Variants in ATRX observed in about 807,000 individuals in gnomAD.
ATRX encodes the protein ATRX chromatin remodeler.
In ATRX, 12 loss-of-function variants were observed where a neutral mutation model predicts 172.6. The observed-to-expected ratio is 0.07, with a 90% CI of 0.04 to 0.11. The LOEUF (loss-of-function observed/expected upper bound fraction) is 0.11. Among genes scored for constraint, ATRX ranks in the 10% least tolerant of loss-of-function variants. The pLI is 1.00. For synonymous variants in ATRX, 674 were observed against 594.7 expected (o/e 1.13, Z -1.94); for missense variants, 1,368 against 1,767.4 (o/e 0.77, Z 4.05).
At chrX:77,766,780 G>A (rs1473916015) in intron 1 of ATRX, among the ~76,000 whole-genome samples, 2 of 109,741 alleles carry the variant, frequency 1.8e-5, no homozygotes, top group Non-Finnish European at 3.8e-5. Context: ...CAGACGATGG[G>A]CGGCCAGGCA....
intron 22 of ATRX, among the ~76,000 whole-genome samples, chrX:77,603,619 G>A (rs1271272161): frequency 2.8e-5 from 3 of 107,851 alleles, no homozygotes; most frequent in East Asian, 2.9e-4. Flanking sequence ...CAAGTGATCC[G>A]CCTGCCTCGG....
chrX:77,762,735 AG>A (rs1557193451), intron 1 of ATRX, among the ~76,000 whole-genome samples: 1 of 111,639 alleles, frequency 9.0e-6, no homozygotes, highest in African/African-American at 3.2e-5. Flanking sequence ...TAAAAAAAAA[AG>A]AAGAGTAAAA....
chrX:77,537,642 C>T (rs60662737), intron 30 of ATRX, among the ~76,000 whole-genome samples: 2 of 109,521 alleles, frequency 1.8e-5, no homozygotes, highest in Non-Finnish European at 3.8e-5. Context: ...CAAGACCAGC[C>T]TGGGCAACAT....
intron 3 of ATRX, among the ~76,000 whole-genome samples, chrX:77,697,990 TC>T (rs781961104): frequency 2.7e-5 from 3 of 111,653 alleles, no homozygotes; most frequent in Non-Finnish European, 5.6e-5. Context: ...TAATCAGATC[TC>T]AAGAGAAGTA....
At chrX:77,760,936 G>A (rs1319717511) in intron 1 of ATRX, among the ~76,000 whole-genome samples, 1 of 111,036 alleles carries the variant, frequency 9.0e-6, no homozygotes, top group Non-Finnish European at 1.9e-5. Context: ...TGTTGTTCAT[G>A]TATTAAGTTT....
At position 77,697,575 on chromosome X, in the gene ATRX, C is replaced by T. The variant is rs2148680817; in HGVS notation, c.242+8G>A. The T allele has an allele frequency of 1.7e-6, 2 of 1,210,005 alleles. No homozygotes were observed. The highest frequency in any genetic ancestry group is 1.1e-6 in the Non-Finnish European group (1 of 894,352). ...AAATAACTTTTTGTCCCTTCAACAT[C>T]AACCAACCTCTTTGATCGTGACGAT... On this transcript the variant is annotated splice_region_variant and intron_variant, in intron 4 of 34. Coordinates refer to ENST00000373344, the MANE Select transcript of ATRX (RefSeq NM_000489.6).
chrX:77,624,709 G>A (rs889085913), intron 19 of ATRX, among the ~76,000 whole-genome samples: 1 of 111,626 alleles, frequency 9.0e-6, no homozygotes, highest in Admixed American at 9.5e-5. Flanking sequence ...ACCTCTACAA[G>A]GAAAACTACA....
chrX:77,632,311 T>C (rs782555614), intron 19 of ATRX, among the ~76,000 whole-genome samples: 7 of 111,727 alleles, frequency 6.3e-5, no homozygotes, highest in African/African-American at 1.9e-4. Flanking sequence ...ATTAAACAGT[T>C]TCAAGGAAAT....
chrX:77,563,962 C>G (rs181181768), intron 28 of ATRX, among the ~76,000 whole-genome samples: 206 of 110,556 alleles, frequency 1.9e-3, no homozygotes, highest in African/African-American at 6.3e-3. Flanking sequence ...TCTCCAAGGG[C>G]TCGATAAGAT....
chrX:77,534,737 G>T (rs782696157), intron 30 of ATRX, among the ~76,000 whole-genome samples: 6 of 111,456 alleles, frequency 5.4e-5, no homozygotes, highest in Non-Finnish European at 1.1e-4. Context: ...AAAACGACTA[G>T]TTCAATTAAT....
chrX:77,586,186 G>C (rs2066014550), intron 27 of ATRX, among the ~76,000 whole-genome samples: 1 of 112,213 alleles, frequency 8.9e-6, no homozygotes, highest in South Asian at 3.7e-4. Context: ...TGAGGTGATA[G>C]ATATCCCATT....
intron 1 of ATRX, among the ~76,000 whole-genome samples, chrX:77,763,266 T>G (rs1557193742): frequency 9.3e-6 from 1 of 108,108 alleles, no homozygotes; most frequent in African/African-American, 3.4e-5. Context: ...TAACTCAGCC[T>G]CCCAAGTAGC....
chrX:77,675,894 G>C, intron 10 of ATRX: 1 of 175,851 alleles, frequency 5.7e-6, no homozygotes, highest in East Asian at 1.3e-4. Context: ...CCAATTTACT[G>C]AGATATGATT....
At chrX:77,769,205 A>T (rs1276511790) in intron 1 of ATRX, among the ~76,000 whole-genome samples, 5 of 111,455 alleles carry the variant, frequency 4.5e-5, no homozygotes, top group Middle Eastern at 9.2e-3. Flanking sequence ...AGTATTTTTT[A>T]AATTTTCTAA....
intron 1 of ATRX, among the ~76,000 whole-genome samples, chrX:77,744,214 G>A (rs182407643): frequency 1.1e-3 from 122 of 112,221 alleles, no homozygotes; most frequent in African/African-American, 3.9e-3. Context: ...GTACTCAGGA[G>A]GCTGAGGCAG....
chrX:77,684,168 G>A lies in ATRX; in HGVS notation c.1088C>T (p.Thr363Ile), dbSNP rs2148630826. 8.3e-7 allele frequency: 1 copy of A among 1,209,544 alleles called. No homozygotes were observed. The highest frequency in any genetic ancestry group is 1.1e-6 in the Non-Finnish European group (1 of 894,480). Reference sequence around the variant, plus strand: ...AACATAACTGGAGTTCATGTTGGCTGTGGTCTCAATCAGTTTTTTTGCCTT... The same window carrying A: ...AACATAACTGGAGTTCATGTTGGCTATGGTCTCAATCAGTTTTTTTGCCTT... ...IKKAKKLIET[T>I]ANMNSSYVKF... is the part of the protein sequence containing the mutation. Residue 363 changes from threonine to isoleucine, a missense_variant, in exon 9 of 35, where the codon ACA (threonine) becomes ATA (isoleucine). By Grantham distance (89) the Thr-to-Ile change is moderately conservative. Coordinates refer to ENST00000373344, the MANE Select transcript of ATRX (RefSeq NM_000489.6).
At chrX:77,740,395 C>A (rs782104436) in intron 1 of ATRX, among the ~76,000 whole-genome samples, 2 of 111,174 alleles carry the variant, frequency 1.8e-5, no homozygotes, top group East Asian at 5.7e-4. Flanking sequence ...CTACACTTTC[C>A]TAGGTTTTAC....
At chrX:77,566,288 A>G (rs782041877) in intron 28 of ATRX, among the ~76,000 whole-genome samples, 1 of 111,826 alleles carries the variant, frequency 8.9e-6, no homozygotes, top group Non-Finnish European at 1.9e-5. Flanking sequence ...TAAGGGGGGA[A>G]AAACAATTCA....
chrX:77,748,712 A>G (rs1178702553), intron 1 of ATRX, among the ~76,000 whole-genome samples: 2 of 108,625 alleles, frequency 1.8e-5, no homozygotes, highest in Non-Finnish European at 3.8e-5. Flanking sequence ...TCAGCCTCCC[A>G]AGGAGCTGGC....
Sources: gnomAD v4.1 joint callset for allele counts (sites outside exome capture counted in the v4.1 genomes callset) on GRCh38, gnomAD v4.1.1 for gene constraint, MANE v1.5 for transcripts, NCBI Gene and HGNC (gene_info 2026-07-23, HGNC 2026-07-21) for gene names.